Variants in HTRA3 observed in about 807,000 individuals in gnomAD.
HTRA3 encodes the protein HtrA serine peptidase 3, also known as serine protease HTRA3.
A neutral mutation model predicts 43.2 loss-of-function variants in HTRA3; 41 were observed. That is an observed-to-expected ratio of 0.95 (90% CI 0.74 to 1.23). The LOEUF (loss-of-function observed/expected upper bound fraction) is 1.23, where lower values mean the gene tolerates loss of function less well. HTRA3 is among the 50% of genes most tolerant of loss of function. The probability of loss-of-function intolerance (pLI) is 0.00; values close to 1 mark genes in which losing one functional copy is unlikely to be tolerated. For missense variants in HTRA3, 628 were observed against 647.1 expected, an observed-to-expected ratio of 0.97 and a Z score of 0.32; for synonymous variants, 295 against 287.9, an observed-to-expected ratio of 1.02 and a Z score of -0.25.
intron 6 of HTRA3, 44 bp downstream of exon 6, chr4:8,294,245 C>A: frequency 7.1e-7 from 1 of 1,403,876 alleles, no homozygotes; most frequent in Non-Finnish European, 1.0e-6. Context: ...GGGGCACTCT[C>A]CCAGGGCTAC....
chr4:8,283,769 T>G (rs984288239), intron 2 of HTRA3, among the ~76,000 whole-genome samples: 2 of 152,234 alleles, frequency 1.3e-5, no homozygotes, highest in Admixed American at 1.3e-4. Flanking sequence ...TTGCTTGTTT[T>G]CACGGTACTT....
chr4:8,306,777 G>C lies in HTRA3; in HGVS notation c.*641G>C, dbSNP rs1713871401. The C allele has an allele frequency of 6.6e-6, 1 of 152,634 alleles. No individual in the cohort carries two copies. Among genetic ancestry groups the C allele is most frequent in the African/African-American group, 2.4e-5 (1 of 41,460 alleles). 9.5% of individuals were successfully genotyped at this position (152,634 alleles called of 1,614,324 possible). ...CTCCCCAGGCAGGCAGGAGGCCGCG[G>C]GGAGCACGTGGAAAGTTGGCTGCTG... is the stretch of plus-strand genomic sequence containing the variant. On this transcript the variant is annotated 3_prime_UTR_variant, in exon 9 of 9. Coordinates refer to ENST00000307358, the MANE Select transcript of HTRA3 (RefSeq NM_053044.5). The surrounding 1 kb of genome is among the most constrained non-coding windows in gnomAD (Gnocchi z 8.9).
chr4:8,288,412 C>T (rs1713081797), intron 3 of HTRA3, among the ~76,000 whole-genome samples: 1 of 151,496 alleles, frequency 6.6e-6, no homozygotes, highest in Non-Finnish European at 1.5e-5. Flanking sequence ...TAGCTAGGAT[C>T]ACAGGCATGT....
At chr4:8,284,713 G>T (rs778171651) in intron 2 of HTRA3, among the ~76,000 whole-genome samples, 7 of 152,230 alleles carry the variant, frequency 4.6e-5, no homozygotes, top group Non-Finnish European at 8.8e-5. Context: ...TGGGGTCACC[G>T]TGTGGGGTGG....
In HTRA3 at chr4:8,306,087, G is replaced by C. The variant is rs369124292; in HGVS notation, c.1313G>C (p.Arg438Pro). 1.2e-6 allele frequency: 2 copies of C among 1,609,048 alleles called. No homozygotes were observed. The highest frequency in any genetic ancestry group is 1.7e-6 in the Non-Finnish European group (2 of 1,176,700). ...TCTCCTCTCCTACTGGAGGTGCGGC[G>C]GGGGAACGACGACCTCCTCTTCAGC... ...TESPLLLEVR[R>P]GNDDLLFSIA... is the part of the protein sequence containing the mutation. Residue 438 changes from arginine to proline, a missense_variant, in exon 9 of 9, where the codon CGG (arginine) becomes CCG (proline). Arg to Pro is a moderately radical substitution (Grantham distance 103, BLOSUM62 -2). Coordinates refer to ENST00000307358, the MANE Select transcript of HTRA3 (RefSeq NM_053044.5). The surrounding 1 kb of genome is among the most constrained non-coding windows in gnomAD (Gnocchi z 8.9).
intron 6 of HTRA3, among the ~76,000 whole-genome samples, chr4:8,298,165 G>T (rs369019452): frequency 2.6e-5 from 4 of 152,278 alleles, no homozygotes; most frequent in East Asian, 1.9e-4. Flanking sequence ...AGCCAGAAAG[G>T]CCCTTTCAAA....
At chr4:8,273,786 C>T (rs1712404246) in intron 1 of HTRA3, among the ~76,000 whole-genome samples, 1 of 152,000 alleles carries the variant, frequency 6.6e-6, no homozygotes, top group African/African-American at 2.4e-5. Flanking sequence ...TGCACTGTCA[C>T]AGTGGCTCAT....
chr4:8,306,880 A>C lies in HTRA3; in HGVS notation c.*744A>C, dbSNP rs1236396600. 6.6e-6 allele frequency: 1 copy of C among 152,616 alleles called. No individual in the cohort carries two copies. Among genetic ancestry groups the C allele is most frequent in the Non-Finnish European group, 1.5e-5 (1 of 68,024 alleles). 9.5% of individuals were successfully genotyped at this position (152,616 alleles called of 1,614,324 possible). A position where few individuals can be genotyped will look rare whatever the true frequency, so the allele number is the denominator to read the frequency against. ...AGTGGACGTGGAGCTGCGGGGTGTG[A>C]GGACTGAGCCGGCTTCCCCTTCCCA... is the stretch of plus-strand genomic sequence containing the variant. On this transcript the variant is annotated 3_prime_UTR_variant, in exon 9 of 9. Coordinates refer to ENST00000307358, the MANE Select transcript of HTRA3 (RefSeq NM_053044.5). This position sits in a 1 kb window ranked among gnomAD's most constrained non-coding sequence, Gnocchi z 8.9.
chr4:8,303,453 G>A (rs1267371023), intron 7 of HTRA3, among the ~76,000 whole-genome samples: 3 of 152,324 alleles, frequency 2.0e-5, no homozygotes, highest in South Asian at 4.1e-4. Context: ...CAGGATAGAA[G>A]GGAGGCTGGA....
At position 8,270,319 on chromosome 4, in the gene HTRA3, C is replaced by G. The variant is rs911902467; in HGVS notation, c.351C>G (p.Pro117=). Residue 117 remains proline, a synonymous_variant, in exon 1 of 9, where the codon CCC becomes CCG. Coordinates refer to ENST00000307358, the MANE Select transcript of HTRA3 (RefSeq NM_053044.5). ...SRRALQLSGT[P]VRQLQKGACP... is the part of the protein sequence containing the mutation. Reference sequence around the variant, plus strand: ...GCGCGCTGCAGCTCTCCGGGACGCCCGTGCGCCAGCTGCAGAAGGGCGCCT... The same window carrying G: ...GCGCGCTGCAGCTCTCCGGGACGCCGGTGCGCCAGCTGCAGAAGGGCGCCT... 6.9e-7 allele frequency: 1 copy of G among 1,452,356 alleles called. No individual in the cohort carries two copies. The highest frequency in any genetic ancestry group is 9.0e-7 in the Non-Finnish European group (1 of 1,110,124). 90.0% of individuals were successfully genotyped at this position (1,452,356 alleles called of 1,614,324 possible). A position where few individuals can be genotyped will look rare whatever the true frequency, so the allele number is the denominator to read the frequency against.
At position 8,296,568 on chromosome 4, in the gene HTRA3, G is replaced by A. The variant is rs1713466121; in HGVS notation, c.1051+2367G>A. On this transcript the variant is annotated intron_variant, in intron 6 of 8. Transcript: ENST00000307358. The surrounding 1 kb of genome is among the most constrained non-coding windows in gnomAD (Gnocchi z 5.3). The stretch of plus-strand genomic sequence containing the variant: ...TATTATTCTCGTCTGGAGGTGGGGT[G>A]CAGAGGCCTCTGAGGGGCTTTCAGG... The A allele has an allele frequency of 2.0e-6, 2 of 980,068 alleles. No homozygotes were observed. The highest frequency in any genetic ancestry group is 2.4e-6 in the Non-Finnish European group (2 of 825,224). 60.7% of individuals were successfully genotyped at this position (980,068 alleles called of 1,614,324 possible).
At chr4:8,298,100 C>T (rs1487057275) in intron 6 of HTRA3, among the ~76,000 whole-genome samples, 4 of 152,200 alleles carry the variant, frequency 2.6e-5, no homozygotes, top group African/African-American at 7.2e-5. Flanking sequence ...TGCCCTGGAC[C>T]GTTACCTCTC....
At chr4:8,283,753 A>G (rs1712849392) in intron 2 of HTRA3, among the ~76,000 whole-genome samples, 1 of 152,224 alleles carries the variant, frequency 6.6e-6, no homozygotes, top group African/African-American at 2.4e-5. Flanking sequence ...CCAGGGCTCC[A>G]GGGACTTGCT....
chr4:8,297,454 C>G lies in HTRA3; in HGVS notation c.1051+3253C>G, dbSNP rs935442280. Reference sequence around the variant, plus strand: ...GACTCCTGTGAGCCAGAGGTCCTGCCCTCCCGCTTTCCTTCTAGCAGGGAG... The same window carrying G: ...GACTCCTGTGAGCCAGAGGTCCTGCGCTCCCGCTTTCCTTCTAGCAGGGAG... On this transcript the variant is annotated intron_variant, in intron 6 of 8. Transcript: ENST00000307358. This position sits in a 1 kb window ranked among gnomAD's most constrained non-coding sequence, Gnocchi z 5.8. Among the ~76,000 whole-genome samples, 1 of 143,502 alleles carries G rather than the reference C, an allele frequency of 7.0e-6. No homozygotes were observed. 94.1% of individuals were successfully genotyped at this position (143,502 alleles called of 152,430 possible).
At chr4:8,303,579 T>C (rs965107966) in intron 7 of HTRA3, among the ~76,000 whole-genome samples, 3 of 152,370 alleles carry the variant, frequency 2.0e-5, no homozygotes, top group Non-Finnish European at 4.4e-5. Flanking sequence ...TCCCTAAAGC[T>C]GTCATTCCTC....
intron 1 of HTRA3, among the ~76,000 whole-genome samples, chr4:8,274,628 C>T (rs771256221): frequency 7.9e-5 from 12 of 152,222 alleles, no homozygotes; most frequent in South Asian, 4.1e-4. Context: ...TTCTCAGGTC[C>T]ATGTTAAGGC....
chr4:8,270,029 C>A lies in HTRA3; in HGVS notation c.61C>A (p.Pro21Thr). The A allele has an allele frequency of 7.4e-7, 1 of 1,357,598 alleles. No homozygotes were observed. Among genetic ancestry groups the A allele is most frequent in the Non-Finnish European group, 9.4e-7 (1 of 1,060,690 alleles). 84.1% of individuals were successfully genotyped at this position (1,357,598 alleles called of 1,614,324 possible). A position where few individuals can be genotyped will look rare whatever the true frequency, so the allele number is the denominator to read the frequency against. ...LAALALAREP[P>T]AAPCPARCDV... ...CGCGCTGGCGCTGGCCCGGGAGCCC[C>A]CTGCGGCGCCGTGTCCCGCGCGCTG... Residue 21 changes from proline (P) to threonine (T), a missense_variant, in exon 1 of 9, where the codon CCT (proline) becomes ACT (threonine). Physicochemically the swap from Pro to Thr is conservative, Grantham distance 38 (BLOSUM62 -1). Transcript: ENST00000307358.
At chr4:8,280,664 T>G (rs1712707586) in intron 1 of HTRA3, among the ~76,000 whole-genome samples, 1 of 151,584 alleles carries the variant, frequency 6.6e-6, no homozygotes, top group East Asian at 2.0e-4. Flanking sequence ...CTGGGGTGTT[T>G]GTTAATGTGA....
intron 3 of HTRA3, among the ~76,000 whole-genome samples, chr4:8,288,059 G>A (rs954885710): frequency 6.6e-6 from 1 of 152,190 alleles, no homozygotes; most frequent in Non-Finnish European, 1.5e-5. Context: ...CTGAATGAAC[G>A]TTTACAGCAT....
Sources: allele counts gnomAD v4.1 joint callset (sites outside exome capture counted in the v4.1 genomes callset), GRCh38; gene constraint gnomAD v4.1.1; non-coding constraint Gnocchi (gnomAD v3.1); transcripts MANE v1.5; gene names NCBI Gene and HGNC (gene_info 2026-07-23, HGNC 2026-07-21).